Variants in DNM1 observed in about 807,000 individuals in gnomAD.
DNM1 encodes dynamin-1.
Under a neutral mutation model 104.6 loss-of-function variants are expected in DNM1, and 29 were observed. That is an observed-to-expected ratio of 0.28 (90% CI 0.21 to 0.38). DNM1 has a LOEUF of 0.38. DNM1 is among the 10% of genes least tolerant of loss of function. The pLI, the probability that DNM1 is intolerant of heterozygous loss-of-function variation, is 1.00. For missense variants in DNM1, 640 were observed against 1,189.4 expected (o/e 0.54, Z 6.79); for synonymous variants, 445 against 475.8 (o/e 0.94, Z 0.84).
At chr9:128,242,204 A>T (rs1836414301) in intron 14 of DNM1, 28 bp from the exon 15 acceptor site, 2 of 1,350,820 alleles carry the variant, frequency 1.5e-6, no homozygotes, top group East Asian at 2.3e-5. Flanking sequence ...GGCCCTGTCC[A>T]CTGACCTCCT....
chr9:128,231,789 A>G (rs1341529266), intron 10 of DNM1, among the ~76,000 whole-genome samples: 1 of 152,012 alleles, frequency 6.6e-6, no homozygotes, highest in East Asian at 1.9e-4. Context: ...TGTCATTACT[A>G]CCCCATTTTC....
At chr9:128,239,127 A>G (rs901574412) in intron 11 of DNM1, among the ~76,000 whole-genome samples, 2 of 152,046 alleles carry the variant, frequency 1.3e-5, no homozygotes, top group African/African-American at 4.8e-5. Flanking sequence ...CCTCCCAAGT[A>G]GCTGGGACTA....
chr9:128,204,700 TGAGA>T (rs1255256200), intron 1 of DNM1: 2 of 152,130 alleles, frequency 1.3e-5, no homozygotes, highest in Non-Finnish European at 2.9e-5. Flanking sequence ...GGGGATGAAG[TGAGA>T]GAGTTTACAC....
At chr9:128,216,941 A>T (rs1428163716) in intron 1 of DNM1, among the ~76,000 whole-genome samples, 1 of 152,154 alleles carries the variant, frequency 6.6e-6, no homozygotes, top group East Asian at 1.9e-4. Context: ...AGATCCCATG[A>T]CTGGCAATTC....
intron 19 of DNM1, among the ~76,000 whole-genome samples, chr9:128,249,493 T>C (rs1176214501): frequency 3.3e-5 from 5 of 151,554 alleles, no homozygotes; most frequent in African/African-American, 9.7e-5. Flanking sequence ...CCCATCTCTA[T>C]TAAAAATACA....
intron 19 of DNM1, 144 bp from the exon 20 acceptor site, chr9:128,249,971 G>C: frequency 8.4e-7 from 1 of 1,194,496 alleles, no homozygotes; most frequent in Non-Finnish European, 1.2e-6. Flanking sequence ...AAGCGCGGTG[G>C]GGAGGTGAAT....
rs541737303 is a variant in DNM1 at position 128,254,486 on chromosome 9, A to G, written c.2535-168A>G. ...TCCATCTTCCTCCCCTTTCCCTTCC[A>G]GCCCCTTTTCCAGGAACCTTGCCAC... On this transcript the variant is annotated intron_variant, in intron 21 of 21. Coordinates refer to ENST00000372923, the MANE Select transcript of DNM1 (RefSeq NM_004408.4). This position sits in a 1 kb window ranked among gnomAD's most constrained non-coding sequence, Gnocchi z 6.1. 588 of 1,509,728 alleles carry G rather than the reference A, an allele frequency of 3.9e-4. No individual in the cohort carries two copies. The highest frequency in any genetic ancestry group is 1.8e-3 in the Admixed American group (79 of 43,820). The allele number at this position is 1,509,728 out of a possible 1,614,324, so 93.5% of individuals were successfully genotyped here.
Position 128,250,099 on chromosome 9 carries a change from CTT to C in DNM1, c.2077-14_2077-13del, listed in dbSNP as rs1345056819. On this transcript the variant is annotated splice_polypyrimidine_tract_variant and intron_variant, in intron 19 of 21. Transcript: ENST00000372923. ...GCATCAGGTCCCCACCTCCTTCCCT[CTT>C]TGCCTACTCGCAGACCAAGGAGTTC... is the stretch of plus-strand genomic sequence containing the variant. The C allele has an allele frequency of 2.5e-6, 4 of 1,614,016 alleles. No individual in the cohort carries two copies. Among genetic ancestry groups the C allele is most frequent in the Non-Finnish European group, 3.4e-6 (4 of 1,179,932 alleles).
chr9:128,240,295 G>T lies in DNM1; in HGVS notation c.1557+299G>T. 1 of 429,404 alleles carries T rather than the reference G, an allele frequency of 2.3e-6. No homozygotes were observed. The highest frequency in any genetic ancestry group is 3.0e-5 in the South Asian group (1 of 33,764). The allele number at this position is 429,404 out of a possible 1,614,324, so 26.6% of individuals were successfully genotyped here. ...TCCTTAAACATCTGCTGGATGGAGG[G>T]ATGCACGTGAGCAAGACACATTTTT... On this transcript the variant is annotated intron_variant, in intron 14 of 21. Coordinates refer to ENST00000372923, the MANE Select transcript of DNM1 (RefSeq NM_004408.4). The surrounding 1 kb of genome is among the most constrained non-coding windows in gnomAD (Gnocchi z 5.1).
rs1834870626 is a variant in DNM1 at position 128,220,408 on chromosome 9, C to A, written c.849+67C>A. On this transcript the variant is annotated intron_variant, in intron 6 of 21. Coordinates refer to ENST00000372923, the MANE Select transcript of DNM1 (RefSeq NM_004408.4). The surrounding 1 kb of genome is among the most constrained non-coding windows in gnomAD (Gnocchi z 5.2). Reference sequence around the variant, plus strand: ...GAAAACAGGATAAATTAAGTGTGTTCTGAGAGTGAACAGCAGAGGTTAGCC... The same window carrying A: ...GAAAACAGGATAAATTAAGTGTGTTATGAGAGTGAACAGCAGAGGTTAGCC... 3.2e-6 allele frequency: 5 copies of A among 1,581,294 alleles called. No homozygotes were observed. In the East Asian group the frequency reaches 1.1e-4, roughly 35 times the overall value.
chr9:128,246,220 C>T (rs1042854728), intron 15 of DNM1, among the ~76,000 whole-genome samples, 174 bp from the exon 16 acceptor site: 4 of 152,108 alleles, frequency 2.6e-5, no homozygotes, highest in Non-Finnish European at 5.9e-5. Context: ...CTGCGGGGGT[C>T]GGCGGTGCCC....
intron 14 of DNM1, 75 bp from the exon 15 acceptor site, chr9:128,242,157 C>T: frequency 1.2e-6 from 1 of 855,748 alleles, no homozygotes; most frequent in Non-Finnish European, 2.0e-6. Flanking sequence ...TTTCGAATGC[C>T]TCTCTTTGCC....
Position 128,222,139 on chromosome 9 carries a change from G to A in DNM1, c.850-58G>A. 5 of 1,558,448 alleles carry A rather than the reference G, an allele frequency of 3.2e-6. No homozygotes were observed. Among genetic ancestry groups the A allele is most frequent in the Non-Finnish European group, 4.3e-6 (5 of 1,150,014 alleles). ...GTTCACACAGTCCCCTGGCATCCAAGTCCCTTCCTGGCCCTGTGACCATCT... is the reference window on the plus strand; with the variant it reads ...GTTCACACAGTCCCCTGGCATCCAAATCCCTTCCTGGCCCTGTGACCATCT... On this transcript the variant is annotated intron_variant, in intron 6 of 21. Transcript: ENST00000372923. The surrounding 1 kb of genome is among the most constrained non-coding windows in gnomAD (Gnocchi z 7.8).
chr9:128,229,780 G>A (rs987480549), intron 10 of DNM1, among the ~76,000 whole-genome samples: 2 of 152,052 alleles, frequency 1.3e-5, no homozygotes. Context: ...GGGTGTGGTG[G>A]TGGGCACCTG....
intron 11 of DNM1, among the ~76,000 whole-genome samples, chr9:128,238,285 C>T (rs1836138731): frequency 6.6e-6 from 1 of 152,020 alleles, no homozygotes; most frequent in African/African-American, 2.4e-5. Context: ...AGTGCAATGG[C>T]ACAATCTCGG....
At chr9:128,251,429 C>T (rs2131301583) in intron 21 of DNM1, 2 of 290,682 alleles carry the variant, frequency 6.9e-6, no homozygotes, top group East Asian at 1.1e-4. Context: ...CTCCTTTGAG[C>T]CATCCCAGGG....
In DNM1 at chr9:128,220,856, T is replaced by C. The variant is rs1313007793; in HGVS notation, c.849+515T>C. On this transcript the variant is annotated intron_variant, in intron 6 of 21. Transcript: ENST00000372923. This position sits in a 1 kb window ranked among gnomAD's most constrained non-coding sequence, Gnocchi z 5.2. ...CTCTGAGACACTCTCTCTGGCTCTC[T>C]GAGCCTCTATTTCTTTTTTCTTTAT... 6.6e-6 allele frequency among the ~76,000 whole-genome samples: 1 copy of C among 151,734 alleles called. No individual in the cohort carries two copies. The highest frequency in any genetic ancestry group is 1.5e-5 in the Non-Finnish European group (1 of 67,826).
chr9:128,222,624 T>C lies in DNM1; in HGVS notation c.1128+28T>C. The C allele has an allele frequency of 6.2e-7, 1 of 1,613,530 alleles. No individual in the cohort carries two copies. On this transcript the variant is annotated intron_variant, in intron 8 of 21. Coordinates refer to ENST00000372923, the MANE Select transcript of DNM1 (RefSeq NM_004408.4). This position sits in a 1 kb window ranked among gnomAD's most constrained non-coding sequence, Gnocchi z 7.8. ...AGGTCAGGCAGCCCTGGGGACAGGA[T>C]GGCTCAGGACTCCCCCCACCCTCAC... is the stretch of plus-strand genomic sequence containing the variant.
chr9:128,210,538 T>C (rs979537657), intron 1 of DNM1, among the ~76,000 whole-genome samples: 1 of 152,002 alleles, frequency 6.6e-6, no homozygotes, highest in African/African-American at 2.4e-5. Flanking sequence ...AATTTTTGTA[T>C]TTTTAGTAGA....
Sources: gnomAD v4.1 joint callset for allele counts (sites outside exome capture counted in the v4.1 genomes callset) on GRCh38, gnomAD v4.1.1 for gene constraint, Gnocchi (gnomAD v3.1) non-coding constraint, MANE v1.5 for transcripts, NCBI Gene and HGNC (gene_info 2026-07-23, HGNC 2026-07-21) for gene names.